LINGO2: variants seen among roughly 807,000 people sequenced by gnomAD.
LINGO2 encodes leucine-rich repeat and immunoglobulin-like domain-containing nogo receptor-interacting protein 2.
A neutral mutation model predicts 30.6 loss-of-function variants in LINGO2; 14 were observed. The ratio of observed to expected loss-of-function variants is 0.46; its 90% CI spans 0.30 to 0.72. The LOEUF (loss-of-function observed/expected upper bound fraction) is 0.72. LINGO2 is among the 30% of genes least tolerant of loss of function. The probability of loss-of-function intolerance (pLI) is 0.07; values close to 1 mark genes in which losing one functional copy is unlikely to be tolerated. For missense variants in LINGO2, 729 were observed against 751.7 expected, an observed-to-expected ratio of 0.97 and a Z score of 0.35; for synonymous variants, 317 against 288.5, an observed-to-expected ratio of 1.10 and a Z score of -1.00.
At chr9:28,907,943 G>A in the LINGO2 span, among the ~76,000 whole-genome samples, 5 of 151,584 alleles carry the variant, frequency 3.3e-5, no homozygotes, top group Non-Finnish European at 5.9e-5. Context: ...ATAAATGAAT[G>A]CCCAAAAGTG....
chr9:28,444,415 T>G (rs545954053), intron 2 of LINGO2, among the ~76,000 whole-genome samples: 21 of 152,152 alleles, frequency 1.4e-4, no homozygotes, highest in Admixed American at 2.0e-4. Context: ...AGCCCATGAG[T>G]TGTGGGCCAG....
chr9:28,759,978 T>A, the LINGO2 span, among the ~76,000 whole-genome samples: 2 of 152,018 alleles, frequency 1.3e-5, no homozygotes, highest in Admixed American at 1.3e-4. Context: ...TTATTTAGAG[T>A]GTGTCATGTG....
the LINGO2 span, among the ~76,000 whole-genome samples, chr9:28,899,750 C>G: frequency 6.6e-6 from 1 of 152,166 alleles, no homozygotes; most frequent in South Asian, 2.1e-4. Context: ...GCCAGGCTAG[C>G]ATTCCTGGCT....
intron 3 of LINGO2, among the ~76,000 whole-genome samples, chr9:28,307,685 T>C (rs10968479): frequency 0.098 from 14,906 of 152,130 alleles, 934 homozygotes; most frequent in Middle Eastern, 0.26. Context: ...AAAACCCCAT[T>C]GTCTCAGCCC....
chr9:28,278,327 C>T (rs1185763763), intron 4 of LINGO2, among the ~76,000 whole-genome samples: 1 of 152,098 alleles, frequency 6.6e-6, no homozygotes, highest in East Asian at 1.9e-4. Context: ...GATAATTACA[C>T]CAAACAATAG....
At chr9:28,073,000 C>T (rs766446250) in intron 4 of LINGO2, among the ~76,000 whole-genome samples, 15 of 151,910 alleles carry the variant, frequency 9.9e-5, no homozygotes, top group Admixed American at 6.6e-4. Context: ...CCTTGGTCTT[C>T]GGCTTGACTT....
At chr9:28,186,534 A>C (rs1439856037) in intron 4 of LINGO2, among the ~76,000 whole-genome samples, 1 of 150,048 alleles carries the variant, frequency 6.7e-6, no homozygotes, top group Non-Finnish European at 1.5e-5. Flanking sequence ...AAAATATAAG[A>C]GTGTTTATAA....
At chr9:29,093,748 A>G in the LINGO2 span, among the ~76,000 whole-genome samples, 1 of 137,384 alleles carries the variant, frequency 7.3e-6, no homozygotes, top group Non-Finnish European at 1.6e-5. Context: ...ATCTTTAGGT[A>G]GAATAAAGGT....
At chr9:28,058,032 T>C (rs1464513423) in intron 4 of LINGO2, among the ~76,000 whole-genome samples, 3 of 152,162 alleles carry the variant, frequency 2.0e-5, no homozygotes, top group African/African-American at 7.2e-5. Context: ...TTGATAATTT[T>C]TATATCTTTG....
chr9:28,032,391 C>G (rs1345636256), intron 4 of LINGO2, among the ~76,000 whole-genome samples: 1 of 152,124 alleles, frequency 6.6e-6, no homozygotes, highest in African/African-American at 2.4e-5. Flanking sequence ...CTCCCACTGC[C>G]TTAGCAGAGG....
intron 4 of LINGO2, among the ~76,000 whole-genome samples, chr9:28,109,569 G>A (rs985423730): frequency 3.3e-5 from 5 of 152,038 alleles, no homozygotes; most frequent in Non-Finnish European, 7.4e-5. Context: ...AAATCAATGT[G>A]CAAAAATCAC....
At chr9:28,854,539 T>A in the LINGO2 span, among the ~76,000 whole-genome samples, 2 of 152,016 alleles carry the variant, frequency 1.3e-5, no homozygotes, top group African/African-American at 4.8e-5. Context: ...AGTTGCAATA[T>A]AATTTTATGA....
intron 1 of LINGO2, among the ~76,000 whole-genome samples, chr9:28,561,978 A>C (rs1028432625): frequency 1.3e-5 from 2 of 151,584 alleles, no homozygotes; most frequent in African/African-American, 4.8e-5. Context: ...TTTTAAACTG[A>C]AAACAAACAA....
intron 4 of LINGO2, among the ~76,000 whole-genome samples, chr9:28,097,039 GAAAA>G (rs548119507): frequency 2.7e-5 from 4 of 148,014 alleles, no homozygotes; most frequent in Non-Finnish European, 4.5e-5. Flanking sequence ...AAACAAAATT[GAAAA>G]AAAAAGAAGA....
chr9:28,780,019 T>C, the LINGO2 span, among the ~76,000 whole-genome samples: 2 of 152,198 alleles, frequency 1.3e-5, no homozygotes, highest in Non-Finnish European at 2.9e-5. Context: ...TCAGTTAATG[T>C]CAAAACTTCT....
At chr9:27,966,008 C>A (rs1587558902) in intron 5 of LINGO2, among the ~76,000 whole-genome samples, 1 of 152,156 alleles carries the variant, frequency 6.6e-6, no homozygotes, top group Admixed American at 6.5e-5. Flanking sequence ...TATTAACTAT[C>A]CTACAGGGTT....
At chr9:28,051,990 G>A (rs1358568943) in intron 4 of LINGO2, among the ~76,000 whole-genome samples, 1 of 151,978 alleles carries the variant, frequency 6.6e-6, no homozygotes, top group East Asian at 1.9e-4. Context: ...AATTCCAACT[G>A]TCCTAGATCT....
intron 2 of LINGO2, among the ~76,000 whole-genome samples, chr9:28,392,576 A>C (rs1394912559): frequency 6.6e-6 from 1 of 152,180 alleles, no homozygotes; most frequent in African/African-American, 2.4e-5. Flanking sequence ...GTTAAACCGC[A>C]TTCCCAACAC....
chr9:28,240,574 A>G (rs1157491387), intron 4 of LINGO2, among the ~76,000 whole-genome samples: 2 of 152,160 alleles, frequency 1.3e-5, no homozygotes, highest in Non-Finnish European at 2.9e-5. Flanking sequence ...TGGTGCTGGG[A>G]AAACTGGTTA....
Sources: allele counts gnomAD v4.1 joint callset (sites outside exome capture counted in the v4.1 genomes callset), GRCh38; gene constraint gnomAD v4.1.1; transcripts MANE v1.5; gene names NCBI Gene and HGNC (gene_info 2026-07-23, HGNC 2026-07-21).